Variants in CSMD1 observed in about 807,000 individuals in gnomAD.
CSMD1 encodes the protein CUB and sushi domain-containing protein 1.
In CSMD1, 213 loss-of-function variants were observed where a neutral mutation model predicts 417.5. The ratio of observed to expected loss-of-function variants is 0.51; its 90% CI spans 0.46 to 0.57. The LOEUF (loss-of-function observed/expected upper bound fraction) is 0.57, where lower values mean the gene tolerates loss of function less well. Ranked by LOEUF, CSMD1 falls within the 20% of genes least tolerant of loss-of-function variation. CSMD1 has a pLI of 0.00. For missense variants in CSMD1, 6,923 were observed against 4,529.7 expected (o/e 1.53, Z -15.17); for synonymous variants, 2,862 against 1,736.8 (o/e 1.65, Z -16.11).
chr8:3,442,496 T>C (rs545501412), intron 12 of CSMD1, among the ~76,000 whole-genome samples: 1 of 152,340 alleles, frequency 6.6e-6, no homozygotes, highest in South Asian at 2.1e-4. Flanking sequence ...ATATGTTCGA[T>C]ACACAAATGT....
chr8:4,608,419 G>A (rs1424239264), intron 2 of CSMD1, among the ~76,000 whole-genome samples: 2 of 152,170 alleles, frequency 1.3e-5, no homozygotes, highest in African/African-American at 2.4e-5. Context: ...AATCTATCTT[G>A]AAAGTGGACT....
At chr8:3,755,935 G>C (rs1299746611) in intron 5 of CSMD1, among the ~76,000 whole-genome samples, 3 of 151,990 alleles carry the variant, frequency 2.0e-5, no homozygotes, top group Admixed American at 6.6e-5. Flanking sequence ...TTTTTCTGGT[G>C]AGATTATGTT....
chr8:4,289,015 T>A (rs1797214025), intron 3 of CSMD1, among the ~76,000 whole-genome samples: 1 of 152,196 alleles, frequency 6.6e-6, no homozygotes, highest in Non-Finnish European at 1.5e-5. Flanking sequence ...TCTTTCAAGC[T>A]ATCTGTTCAA....
At chr8:4,846,779 T>G (rs918068903) in intron 1 of CSMD1, among the ~76,000 whole-genome samples, 1 of 152,210 alleles carries the variant, frequency 6.6e-6, no homozygotes, top group East Asian at 1.9e-4. Flanking sequence ...TTAACTAAGT[T>G]AGAAAGTAAA....
At chr8:4,742,351 C>T (rs929394469) in intron 1 of CSMD1, among the ~76,000 whole-genome samples, 1 of 151,812 alleles carries the variant, frequency 6.6e-6, no homozygotes, top group East Asian at 1.9e-4. Context: ...TTGAGAAGCA[C>T]ATCTCTAAGC....
intron 26 of CSMD1, among the ~76,000 whole-genome samples, chr8:3,253,358 C>T (rs186681644): frequency 2.6e-5 from 4 of 152,136 alleles, no homozygotes; most frequent in African/African-American, 4.8e-5. Context: ...TTTCTTATTT[C>T]TGAGTTCTGG....
chr8:3,311,882 A>G (rs1018366310), intron 23 of CSMD1, among the ~76,000 whole-genome samples: 16 of 152,210 alleles, frequency 1.1e-4, no homozygotes, highest in Non-Finnish European at 8.8e-5. Context: ...CATAAGCTCT[A>G]CAAGTAGTTT....
intron 5 of CSMD1, among the ~76,000 whole-genome samples, chr8:3,914,800 T>G (rs17067967): frequency 0.13 from 20,178 of 152,110 alleles, 1,435 homozygotes; most frequent in African/African-American, 0.17. Flanking sequence ...AACAAAGATT[T>G]ATTGACATCT....
At chr8:3,839,080 CTA>C (rs1473634222) in intron 5 of CSMD1, among the ~76,000 whole-genome samples, 1 of 118,552 alleles carries the variant, frequency 8.4e-6, no homozygotes, top group African/African-American at 3.2e-5. Context: ...ATAGCCTAGG[CTA>C]TATATAATAT....
At chr8:3,416,325 A>C (rs1420941808) in intron 12 of CSMD1, among the ~76,000 whole-genome samples, 1 of 147,098 alleles carries the variant, frequency 6.8e-6, no homozygotes, top group Non-Finnish European at 1.5e-5. Flanking sequence ...AAAAAAAAAA[A>C]AGTGTTCTTT....
intron 3 of CSMD1, among the ~76,000 whole-genome samples, chr8:4,094,495 A>G (rs1232439900): frequency 6.6e-6 from 1 of 152,162 alleles, no homozygotes; most frequent in Non-Finnish European, 1.5e-5. Context: ...CGCTGGAGCA[A>G]CCACGCAGGG....
chr8:3,635,978 G>A (rs10105096), intron 7 of CSMD1, among the ~76,000 whole-genome samples: 69,102 of 151,890 alleles, frequency 0.45, 15,854 homozygotes, highest in Middle Eastern at 0.63. Flanking sequence ...TGGCTCTTTT[G>A]TAATAACACT....
intron 5 of CSMD1, among the ~76,000 whole-genome samples, chr8:3,953,466 C>T (rs1295521212): frequency 2.0e-5 from 3 of 152,098 alleles, no homozygotes; most frequent in African/African-American, 7.2e-5. Flanking sequence ...ACCATAAACA[C>T]ACACAGAGAG....
intron 12 of CSMD1, among the ~76,000 whole-genome samples, chr8:3,452,938 A>G (rs1167692812): frequency 6.6e-6 from 1 of 152,092 alleles, no homozygotes; most frequent in Non-Finnish European, 1.5e-5. Flanking sequence ...CTGTGAATCC[A>G]TCCGTTTCTG....
chr8:3,266,869 G>C (rs1267152256), intron 26 of CSMD1, among the ~76,000 whole-genome samples: 1 of 151,954 alleles, frequency 6.6e-6, no homozygotes, highest in East Asian at 1.9e-4. Context: ...TAATCACAGA[G>C]TGATGAGTGT....
intron 1 of CSMD1, among the ~76,000 whole-genome samples, chr8:4,855,648 G>A (rs1203539862): frequency 2.0e-5 from 3 of 152,186 alleles, no homozygotes; most frequent in East Asian, 1.9e-4. Flanking sequence ...GCAATCAACT[G>A]GAAGATAGGG....
intron 1 of CSMD1, among the ~76,000 whole-genome samples, chr8:4,903,667 A>G (rs1391861680): frequency 6.6e-6 from 1 of 152,226 alleles, no homozygotes; most frequent in East Asian, 1.9e-4. Context: ...GTTATTCAGG[A>G]CTAAATGTTT....
rs1246793663 is a variant in CSMD1 at position 3,836,602 on chromosome 8, T to A, written c.819-82560A>T. On this transcript the variant is annotated intron_variant, in intron 5 of 69. Transcript: ENST00000635120. Reference sequence around the variant, plus strand: ...GTCTTTGAAGCATATTTAAGTAATTTATATTTACTAAATGGTATTTGACCT... The same window carrying A: ...GTCTTTGAAGCATATTTAAGTAATTAATATTTACTAAATGGTATTTGACCT... 5.9e-5 allele frequency among the ~76,000 whole-genome samples: 9 copies of A among 152,146 alleles called. No individual in the cohort carries two copies. The East Asian group carries it at 1.5e-3, about 26-fold the overall frequency.
intron 11 of CSMD1, among the ~76,000 whole-genome samples, chr8:3,489,460 G>C (rs1818243365): frequency 6.6e-6 from 1 of 152,190 alleles, no homozygotes; most frequent in African/African-American, 2.4e-5. Flanking sequence ...GCAAAGGCCA[G>C]AGGGAATCCA....
Sources: allele counts gnomAD v4.1 joint callset (sites outside exome capture counted in the v4.1 genomes callset), GRCh38; gene constraint gnomAD v4.1.1; transcripts MANE v1.5; gene names NCBI Gene and HGNC (gene_info 2026-07-23, HGNC 2026-07-21).